Variants in GALNT17 observed in about 807,000 individuals in gnomAD.
GALNT17 encodes UDP-GalNAc:polypeptide N-acetylgalactosaminyltransferase-like 3.
GALNT17 carries 29 observed loss-of-function variants against 63.7 expected under a neutral mutation model. That is an observed-to-expected ratio of 0.46 (90% CI 0.34 to 0.62). The LOEUF (loss-of-function observed/expected upper bound fraction) is 0.62, where lower values mean the gene tolerates loss of function less well. Ranked by LOEUF, GALNT17 falls within the 20% of genes least tolerant of loss-of-function variation. GALNT17 has a pLI of 0.01. For missense variants in GALNT17, 603 were observed against 799.6 expected (o/e 0.75, Z 2.97); for synonymous variants, 305 against 318.3 (o/e 0.96, Z 0.45).
chr7:71,356,794 A>AT (rs1292862336), intron 2 of GALNT17, among the ~76,000 whole-genome samples: 7 of 151,856 alleles, frequency 4.6e-5, no homozygotes, highest in South Asian at 2.1e-4. Flanking sequence ...ATATATATAT[A>AT]TTTTTTAGAT....
intron 9 of GALNT17, among the ~76,000 whole-genome samples, chr7:71,689,948 A>G (rs534566935): frequency 6.6e-6 from 1 of 152,172 alleles, no homozygotes; most frequent in Non-Finnish European, 1.5e-5. Context: ...TCTACTCTGC[A>G]TGTGCCCGAG....
intron 1 of GALNT17, among the ~76,000 whole-genome samples, chr7:71,333,661 C>T (rs186032227): frequency 6.8e-4 from 104 of 152,206 alleles, no homozygotes; most frequent in Non-Finnish European, 1.1e-3. Context: ...TCACCACACT[C>T]GGCTAATTTT....
At chr7:71,329,658 A>G (rs1583865534) in intron 1 of GALNT17, among the ~76,000 whole-genome samples, 1 of 152,226 alleles carries the variant, frequency 6.6e-6, no homozygotes, top group Middle Eastern at 3.4e-3. Context: ...GCCAGGAGAG[A>G]GAGAGAGAGA....
chr7:71,453,164 C>T (rs898394178), intron 5 of GALNT17, among the ~76,000 whole-genome samples: 2 of 152,080 alleles, frequency 1.3e-5, no homozygotes, highest in Non-Finnish European at 2.9e-5. Context: ...ATTTCAGTTG[C>T]GAGTGGCTGC....
At chr7:71,377,114 A>AAAAAAAAAAAAATAT in intron 2 of GALNT17, among the ~76,000 whole-genome samples, 3 of 57,464 alleles carry the variant, frequency 5.2e-5, no homozygotes, top group Middle Eastern at 6.9e-3. Flanking sequence ...AAATAAAAAA[A>AAAAAAAAAAAAATAT]ATATATATAT....
chr7:71,558,671 G>A (rs1178986452), intron 5 of GALNT17, among the ~76,000 whole-genome samples: 1 of 152,150 alleles, frequency 6.6e-6, no homozygotes, highest in Non-Finnish European at 1.5e-5. Flanking sequence ...TTCTTAAGAA[G>A]CATAGTGCAT....
intron 2 of GALNT17, among the ~76,000 whole-genome samples, chr7:71,362,903 C>T (rs778864729): frequency 6.6e-6 from 1 of 152,130 alleles, no homozygotes; most frequent in Non-Finnish European, 1.5e-5. Flanking sequence ...CTCCTTTCCC[C>T]AACTCTAAAT....
intron 5 of GALNT17, among the ~76,000 whole-genome samples, chr7:71,522,055 C>T (rs751018720): frequency 3.6e-4 from 55 of 152,118 alleles, no homozygotes; most frequent in Admixed American, 5.9e-4. Context: ...GCGATGAGAC[C>T]GAGAACAAAA....
intron 5 of GALNT17, among the ~76,000 whole-genome samples, chr7:71,524,255 TTA>T (rs1788587712): frequency 6.8e-6 from 1 of 147,092 alleles, no homozygotes; most frequent in Non-Finnish European, 1.5e-5. Flanking sequence ...ATAATATATA[TTA>T]TATTATATAT....
At chr7:71,479,840 G>T (rs1343658748) in intron 5 of GALNT17, among the ~76,000 whole-genome samples, 1 of 152,136 alleles carries the variant, frequency 6.6e-6, no homozygotes, top group African/African-American at 2.4e-5. Flanking sequence ...TGTTTTTCTA[G>T]GAAATCTTCC....
chr7:71,187,881 C>G (rs999988751), intron 1 of GALNT17, among the ~76,000 whole-genome samples: 2 of 152,166 alleles, frequency 1.3e-5, no homozygotes, highest in Non-Finnish European at 2.9e-5. Context: ...GTCTTCCCAC[C>G]CTTTCCACCT....
At chr7:71,534,246 T>G (rs888288503) in intron 5 of GALNT17, among the ~76,000 whole-genome samples, 3 of 152,068 alleles carry the variant, frequency 2.0e-5, no homozygotes, top group Admixed American at 6.6e-5. Context: ...AATGTGTCCT[T>G]CTTTACATGG....
chr7:71,318,421 T>TTTTTTTTTTTTTTGG (rs1562997941), intron 1 of GALNT17, among the ~76,000 whole-genome samples: 3 of 145,472 alleles, frequency 2.1e-5, no homozygotes. Context: ...CTTTTTTTTT[T>TTTTTTTTTTTTTTGG]GTGTGTGTGT....
chr7:71,351,430 C>T (rs545612646), intron 2 of GALNT17, among the ~76,000 whole-genome samples: 28 of 152,060 alleles, frequency 1.8e-4, no homozygotes, highest in African/African-American at 6.5e-4. Flanking sequence ...CTCAGGTCAC[C>T]TTATGTGGAT....
At chr7:71,228,810 G>T (rs1789729430) in intron 1 of GALNT17, among the ~76,000 whole-genome samples, 1 of 152,206 alleles carries the variant, frequency 6.6e-6, no homozygotes, top group Admixed American at 6.5e-5. Flanking sequence ...GCCCTAACTT[G>T]ATCACATTTG....
At chr7:71,539,983 A>G (rs937818627) in intron 5 of GALNT17, among the ~76,000 whole-genome samples, 3 of 149,928 alleles carry the variant, frequency 2.0e-5, no homozygotes, top group Non-Finnish European at 4.4e-5. Context: ...TTGTAGAGAC[A>G]AGATCTTGCT....
At chr7:71,473,118 G>C (rs1436827185) in intron 5 of GALNT17, among the ~76,000 whole-genome samples, 1 of 152,178 alleles carries the variant, frequency 6.6e-6, no homozygotes, top group Non-Finnish European at 1.5e-5. Context: ...TGAATTCAAA[G>C]ATTTTCTGAT....
intron 10 of GALNT17, among the ~76,000 whole-genome samples, chr7:71,711,451 G>A (rs1309041938): frequency 6.6e-6 from 1 of 152,056 alleles, no homozygotes; most frequent in Non-Finnish European, 1.5e-5. Flanking sequence ...AAGAAGCTAT[G>A]TGCCAGGCGC....
chr7:71,353,929 TC>T (rs1351487771), intron 2 of GALNT17, among the ~76,000 whole-genome samples: 1 of 152,080 alleles, frequency 6.6e-6, no homozygotes, highest in East Asian at 1.9e-4. Context: ...CTGCTGGGCC[TC>T]CGGGGAGGCC....
Sources: allele counts gnomAD v4.1 joint callset (sites outside exome capture counted in the v4.1 genomes callset), GRCh38; gene constraint gnomAD v4.1.1; transcripts MANE v1.5; gene names NCBI Gene and HGNC (gene_info 2026-07-23, HGNC 2026-07-21).